REG3G: variants seen among roughly 807,000 people sequenced by gnomAD.
REG3G encodes the protein regenerating family member 3 gamma.
Under a neutral mutation model 20.9 loss-of-function variants are expected in REG3G, and 19 were observed. The ratio of observed to expected loss-of-function variants is 0.91; its 90% CI spans 0.64 to 1.34. The LOEUF (loss-of-function observed/expected upper bound fraction) is 1.34. Ranked by LOEUF, REG3G falls within the 40% of genes most tolerant of loss-of-function variation. The pLI, the probability that REG3G is intolerant of heterozygous loss-of-function variation, is 0.00. For missense variants in REG3G, 235 were observed against 205.0 expected, an observed-to-expected ratio of 1.15 and a Z score of -0.89; for synonymous variants, 89 against 77.4, an observed-to-expected ratio of 1.15 and a Z score of -0.79.
At position 79,026,786 on chromosome 2, in the gene REG3G, C is replaced by T. The variant is rs1376459781; in HGVS notation, c.150C>T (p.Pro50=). Residue 50 remains proline (P), a synonymous_variant, in exon 3 of 6, where the codon CCC becomes CCT. Transcript: ENST00000272324. ...CPKGSKAYGS[P]CYALFLSPKS... The stretch of plus-strand genomic sequence containing the variant: ...AAGGCTCCAAGGCCTATGGCTCCCC[C>T]TGCTATGCCTTGTTTTTGTCACCAA... 6.2e-7 allele frequency: 1 copy of T among 1,613,608 alleles called. No homozygotes were observed. Among genetic ancestry groups the T allele is most frequent in the African/African-American group, 1.3e-5 (1 of 74,776 alleles).
rs745487823 is a variant in REG3G, at chr2:79,027,029, C to G, written c.196-5C>G. 3.1e-6 allele frequency: 5 copies of G among 1,614,060 alleles called. No individual in the cohort carries two copies. The highest frequency in any genetic ancestry group is 4.2e-6 in the Non-Finnish European group (5 of 1,179,958). On this transcript the variant is annotated splice_polypyrimidine_tract_variant and splice_region_variant and intron_variant, in intron 3 of 5. Coordinates refer to ENST00000272324, the MANE Select transcript of REG3G (RefSeq NM_001008387.3). ...TCCATCTCATTCTCTTTGTCCCCCT[C>G]AAAGCTGGCTTGCCAGAAGCGGCCC...
At chr2:79,027,670 G>A (rs1671658898) in intron 4 of REG3G, 137 bp from the exon 5 acceptor site, 1 of 900,080 alleles carries the variant, frequency 1.1e-6, no homozygotes, top group Non-Finnish European at 1.7e-6. Context: ...CCAGTGCAGA[G>A]GACTCTAGGG....
rs202128933 is a variant in REG3G at position 79,027,178 on chromosome 2, G to A, written c.333+7G>A. ...GCTCCATGACCCCACACAGGTGCGAGTATATCCTCCCCTCTCTGTTACCTC... is the reference window on the plus strand; with the variant it reads ...GCTCCATGACCCCACACAGGTGCGAATATATCCTCCCCTCTCTGTTACCTC... On this transcript the variant is annotated splice_region_variant and intron_variant, in intron 4 of 5. Transcript: ENST00000272324. 1.2e-6 allele frequency: 2 copies of A among 1,613,482 alleles called. No individual in the cohort carries two copies. The highest frequency in any genetic ancestry group is 1.3e-5 in the African/African-American group (1 of 74,992).
Position 79,027,077 on chromosome 2 carries a change from T to C in REG3G, c.239T>C (p.Leu80Pro). ...KRPSGKLVSV[L>P]SGAEGSFVSS... ...CCCTCTGGAAAACTGGTGTCTGTGC[T>C]CAGTGGGGCTGAGGGATCCTTCGTG... The change falls in exon 4 of 6, where the codon CTC becomes CCC. Residue 80 changes from leucine (L) to proline (P), a missense_variant. By Grantham distance (98) the Leu-to-Pro change is moderately conservative. Coordinates refer to ENST00000272324, the MANE Select transcript of REG3G (RefSeq NM_001008387.3). 2 of 1,614,072 alleles carry C rather than the reference T, an allele frequency of 1.2e-6. No homozygotes were observed. The highest frequency in any genetic ancestry group is 1.7e-6 in the Non-Finnish European group (2 of 1,179,978).
Position 79,028,263 on chromosome 2 carries a change from A to C in REG3G, c.515A>C (p.Lys172Thr), listed in dbSNP as rs1671677087. ...GATGCAAAGTTACCCTATGTCTGCAAGTTCAAGGACTAGGGCAGGTGGGAA... is the reference window on the plus strand; with the variant it reads ...GATGCAAAGTTACCCTATGTCTGCACGTTCAAGGACTAGGGCAGGTGGGAA... ...NCDAKLPYVCKFKD is the reference protein window; with the variant it reads ...NCDAKLPYVCTFKD The change falls in exon 6 of 6, where the codon AAG becomes ACG. Residue 172 changes from lysine (K) to threonine (T), a missense_variant. Lys to Thr is a moderately conservative substitution (Grantham distance 78). Transcript: ENST00000272324. 1 of 1,612,734 alleles carries C rather than the reference A, an allele frequency of 6.2e-7. No individual in the cohort carries two copies. The highest frequency in any genetic ancestry group is 8.5e-7 in the Non-Finnish European group (1 of 1,178,868).
chr2:79,026,630 G>T, intron 2 of REG3G, 83 bp from the exon 3 acceptor site: 1 of 1,104,680 alleles, frequency 9.1e-7, no homozygotes, highest in Non-Finnish European at 1.3e-6. Flanking sequence ...TCCTCCCCAA[G>T]GGCAGACCTA....
At position 79,028,302 on chromosome 2, in the gene REG3G, G is replaced by C; in HGVS notation, c.*26G>C. On this transcript the variant is annotated 3_prime_UTR_variant, in exon 6 of 6. Coordinates refer to ENST00000272324, the MANE Select transcript of REG3G (RefSeq NM_001008387.3). ...GGCAGGTGGGAAGTCAGCAGCCTGA[G>C]CTTGGCGTGCAGCTCATCATGGACA... 1 of 1,505,434 alleles carries C rather than the reference G, an allele frequency of 6.6e-7. No homozygotes were observed. Among genetic ancestry groups the C allele is most frequent in the Non-Finnish European group, 9.3e-7 (1 of 1,080,894 alleles). 93.3% of individuals were successfully genotyped at this position (1,505,434 alleles called of 1,614,324 possible). A position where few individuals can be genotyped will look rare whatever the true frequency, so the allele number is the denominator to read the frequency against.
Position 79,027,151 on chromosome 2 carries a change from G to A in REG3G, c.313G>A (p.Gly105Arg). The change falls in exon 4 of 6, where the codon GGG (glycine) becomes AGG (arginine). Residue 105 changes from glycine to arginine, a missense_variant. Physicochemically the swap from Gly to Arg is moderately radical, Grantham distance 125 (BLOSUM62 -2). Transcript: ENST00000272324. ...TAACAGCTATTCATACATCTGGATT[G>A]GGCTCCATGACCCCACACAGGTGCG... ...ISNSYSYIWIGLHDPTQGSEP... is the reference protein window; with the variant it reads ...ISNSYSYIWIRLHDPTQGSEP... 1 of 1,613,814 alleles carries A rather than the reference G, an allele frequency of 6.2e-7. No homozygotes were observed. The highest frequency in any genetic ancestry group is 1.1e-5 in the South Asian group (1 of 91,064).
At chr2:79,026,469 G>C in intron 2 of REG3G, 1 of 597,728 alleles carries the variant, frequency 1.7e-6, no homozygotes, top group South Asian at 2.0e-5. Flanking sequence ...ACCCAATATA[G>C]AGATAGCCCA....
rs941383084 is a variant in REG3G at position 79,028,341 on chromosome 2, A to G, written c.*65A>G. On this transcript the variant is annotated 3_prime_UTR_variant, in exon 6 of 6. Transcript: ENST00000272324. Reference sequence around the variant, plus strand: ...TCATCATGGACATGAGACCAGTGTGAAGACTCACCCTGGAAGAGAATATTC... The same window carrying G: ...TCATCATGGACATGAGACCAGTGTGGAGACTCACCCTGGAAGAGAATATTC... The G allele has an allele frequency of 9.5e-7, 1 of 1,056,458 alleles. No individual in the cohort carries two copies. The highest frequency in any genetic ancestry group is 1.6e-5 in the African/African-American group (1 of 64,248). The allele number at this position is 1,056,458 out of a possible 1,614,324, so 65.4% of individuals were successfully genotyped here.
chr2:79,027,187 C>G lies in REG3G; in HGVS notation c.333+16C>G, dbSNP rs946545034. 1.2e-6 allele frequency: 2 copies of G among 1,612,980 alleles called. No homozygotes were observed. The highest frequency in any genetic ancestry group is 1.1e-5 in the South Asian group (1 of 90,996). ...CCCCACACAGGTGCGAGTATATCCT[C>G]CCCTCTCTGTTACCTCTCAAGGTAC... is the stretch of plus-strand genomic sequence containing the variant. On this transcript the variant is annotated intron_variant, in intron 4 of 5. Coordinates refer to ENST00000272324, the MANE Select transcript of REG3G (RefSeq NM_001008387.3).
Position 79,027,114 on chromosome 2 carries a change from G to A in REG3G, c.276G>A (p.Val92=), listed in dbSNP as rs1671644214. The A allele has an allele frequency of 1.9e-6, 3 of 1,613,946 alleles. No homozygotes were observed. Among genetic ancestry groups the A allele is most frequent in the South Asian group, 1.1e-5 (1 of 91,074 alleles). The change falls in exon 4 of 6, where the codon GTG becomes GTA. Residue 92 remains valine, a synonymous_variant. Coordinates refer to ENST00000272324, the MANE Select transcript of REG3G (RefSeq NM_001008387.3). ...GAEGSFVSSL[V]RSISNSYSYI... ...AGGGATCCTTCGTGTCCTCCCTGGT[G>A]AGGAGCATTAGTAACAGCTATTCAT...
intron 4 of REG3G, 158 bp downstream of exon 4, chr2:79,027,329 G>A: frequency 1.4e-6 from 1 of 729,842 alleles, no homozygotes. Flanking sequence ...TGAGGCAGCT[G>A]AAGAGCTGAA....
chr2:79,027,504 A>C (rs763041176), intron 4 of REG3G, among the ~76,000 whole-genome samples: 72 of 152,246 alleles, frequency 4.7e-4, no homozygotes, highest in Non-Finnish European at 8.7e-4. Flanking sequence ...TTTTGCCCCC[A>C]TACAGAATAG....
intron 2 of REG3G, 75 bp from the exon 3 acceptor site, chr2:79,026,638 C>G (rs1375052): frequency 0.018 from 21,124 of 1,205,344 alleles, 1,409 homozygotes; most frequent in Admixed American, 0.14. Context: ...AAGGGCAGAC[C>G]TAGATATTCC....
At position 79,028,256 on chromosome 2, in the gene REG3G, G is replaced by A; in HGVS notation, c.508G>A (p.Val170Ile). Residue 170 changes from valine to isoleucine, a missense_variant, in exon 6 of 6, where the codon GTC becomes ATC. Physicochemically the swap from Val to Ile is conservative, Grantham distance 29. Coordinates refer to ENST00000272324, the MANE Select transcript of REG3G (RefSeq NM_001008387.3). ...TAACTGTGATGCAAAGTTACCCTAT[G>A]TCTGCAAGTTCAAGGACTAGGGCAG... ...DYNCDAKLPY[V>I]CKFKD The A allele has an allele frequency of 6.2e-7, 1 of 1,613,006 alleles. No individual in the cohort carries two copies. Among genetic ancestry groups the A allele is most frequent in the South Asian group, 1.1e-5 (1 of 91,056 alleles).
intron 1 of REG3G, 99 bp downstream of exon 1, chr2:79,025,872 C>T (rs982539870): frequency 3.7e-6 from 2 of 538,708 alleles, no homozygotes; most frequent in South Asian, 4.5e-5. Context: ...AGCACAGGAG[C>T]TCTGAGACTC....
Position 79,025,978 on chromosome 2 carries a change from T to C in REG3G, c.-111-5T>C. ...AGATGATGAATGTGACCAAGATCAC[T>C]TCAGTCCTAGGGGACTACAGAAGGA... On this transcript the variant is annotated splice_region_variant and splice_polypyrimidine_tract_variant and intron_variant, in intron 1 of 5. Coordinates refer to ENST00000272324, the MANE Select transcript of REG3G (RefSeq NM_001008387.3). The C allele has an allele frequency of 1.1e-6, 1 of 941,030 alleles. No individual in the cohort carries two copies. The highest frequency in any genetic ancestry group is 1.7e-6 in the Non-Finnish European group (1 of 598,486). The allele number at this position is 941,030 out of a possible 1,614,324, so 58.3% of individuals were successfully genotyped here. A position where few individuals can be genotyped will look rare whatever the true frequency, so the allele number is the denominator to read the frequency against.
At position 79,026,990 on chromosome 2, in the gene REG3G, A is replaced by C. The variant is rs939127936; in HGVS notation, c.196-44A>C. ...ACCTACCTTTTCCCTGCCCTCCCTC[A>C]GTGGGTCTCAGGCTCCATCTCATTC... On this transcript the variant is annotated intron_variant, in intron 3 of 5. Coordinates refer to ENST00000272324, the MANE Select transcript of REG3G (RefSeq NM_001008387.3). 5.0e-6 allele frequency: 8 copies of C among 1,612,716 alleles called. No individual in the cohort carries two copies. In the African/African-American group the frequency reaches 1.1e-4, roughly 22 times the overall value.
Sources: allele counts gnomAD v4.1 joint callset (sites outside exome capture counted in the v4.1 genomes callset), GRCh38; gene constraint gnomAD v4.1.1; transcripts MANE v1.5; gene names NCBI Gene and HGNC (gene_info 2026-07-23, HGNC 2026-07-21).